The following PARD6G variants were observed in gnomAD, a reference collection of about 807,000 sequenced individuals.
PARD6G encodes the protein par-6 family cell polarity regulator gamma, also known as partitioning defective 6 homolog gamma.
PARD6G carries 7 observed loss-of-function variants against 10.7 expected under a neutral mutation model. The observed-to-expected ratio is 0.66, with a 90% CI of 0.37 to 1.23. PARD6G has a LOEUF of 1.23. PARD6G is among the 50% of genes most tolerant of loss of function. The pLI, the probability that PARD6G is intolerant of heterozygous loss-of-function variation, is 0.02. For missense variants in PARD6G, 548 were observed against 571.8 expected (o/e 0.96, Z 0.42); for synonymous variants, 287 against 269.4 (o/e 1.07, Z -0.64).
At chr18:80,238,162 TA>T (rs1967446300) in intron 1 of PARD6G, among the ~76,000 whole-genome samples, 1 of 152,132 alleles carries the variant, frequency 6.6e-6, no homozygotes, top group Admixed American at 6.5e-5. Flanking sequence ...TATGCAGCCA[TA>T]AAAAATGATG....
rs914328543 is a variant in PARD6G, at chr18:80,231,906, G to A, written c.72+15371C>T. ...GCATGTATGGAGTTATAATAGCACA[G>A]GATAGTAAGCCTGTTTTGGGCTCAC... On this transcript the variant is annotated intron_variant, in intron 1 of 2. Transcript: ENST00000353265. This position sits in a 1 kb window ranked among gnomAD's most constrained non-coding sequence, Gnocchi z 4.2. 6.6e-6 allele frequency among the ~76,000 whole-genome samples: 1 copy of A among 152,122 alleles called. No individual in the cohort carries two copies. Among genetic ancestry groups the A allele is most frequent in the Non-Finnish European group, 1.5e-5 (1 of 68,010 alleles).
At chr18:80,177,761 G>A (rs529210923) in intron 2 of PARD6G, among the ~76,000 whole-genome samples, 10 of 145,992 alleles carry the variant, frequency 6.8e-5, no homozygotes, top group Non-Finnish European at 7.5e-5. Context: ...GGAAGCACAC[G>A]CACCCACGAG....
chr18:80,230,840 T>C lies in PARD6G; in HGVS notation c.72+16437A>G, dbSNP rs571157655. On this transcript the variant is annotated intron_variant, in intron 1 of 2. Transcript: ENST00000353265. ...AGAAGTCAGAGTCTCTGCCAAGCTT[T>C]GTGTGCATGCTCTCTGTAATCCTGA... is the stretch of plus-strand genomic sequence containing the variant. Among the ~76,000 whole-genome samples, 5 of 152,258 alleles carry C rather than the reference T, an allele frequency of 3.3e-5. No homozygotes were observed. The South Asian group carries it at 1.0e-3, about 32-fold the overall frequency.
intron 2 of PARD6G, among the ~76,000 whole-genome samples, chr18:80,176,569 T>C (rs2052808814): frequency 1.1e-4 from 17 of 152,110 alleles, no homozygotes; most frequent in Admixed American, 1.1e-3. Context: ...CAACAGTTAA[T>C]GTTGGCCAGG....
intron 1 of PARD6G, among the ~76,000 whole-genome samples, chr18:80,222,262 T>A (rs1035556775): frequency 2.6e-5 from 4 of 151,964 alleles, no homozygotes; most frequent in East Asian, 1.9e-4. Context: ...TTTTTTTTTT[T>A]AATTTTGTAG....
intron 1 of PARD6G, among the ~76,000 whole-genome samples, chr18:80,218,771 G>A (rs1967197962): frequency 6.6e-6 from 1 of 152,246 alleles, no homozygotes; most frequent in Non-Finnish European, 1.5e-5. Context: ...CTCTGCCCCT[G>A]CAGCAGACTT....
intron 2 of PARD6G, among the ~76,000 whole-genome samples, chr18:80,162,982 A>G (rs1472232365): frequency 6.6e-6 from 1 of 152,166 alleles, no homozygotes; most frequent in East Asian, 1.9e-4. Context: ...ATGATTGCTC[A>G]TTCTAAGTGG....
rs1018894722 is a variant in PARD6G, at chr18:80,180,712, T to A, written c.296-20106A>T. On this transcript the variant is annotated intron_variant, in intron 2 of 2. Coordinates refer to ENST00000353265, the MANE Select transcript of PARD6G (RefSeq NM_032510.4). This position sits in a 1 kb window ranked among gnomAD's most constrained non-coding sequence, Gnocchi z 5.6. Reference sequence around the variant, plus strand: ...AGGCACCACAGGCTCTTGGGTCCCCTCATACAAGCTTTGTCAGGGGGCCGG... The same window carrying A: ...AGGCACCACAGGCTCTTGGGTCCCCACATACAAGCTTTGTCAGGGGGCCGG... Among the ~76,000 whole-genome samples, 1 of 152,074 alleles carries A rather than the reference T, an allele frequency of 6.6e-6. No homozygotes were observed. Among genetic ancestry groups the A allele is most frequent in the African/African-American group, 2.4e-5 (1 of 41,398 alleles).
Position 80,189,298 on chromosome 18 carries a change from AC to A in PARD6G, c.295+13411del, listed in dbSNP as rs1167179205. 1 of 152,242 alleles carries A rather than the reference AC, an allele frequency of 6.6e-6. No individual in the cohort carries two copies. Among genetic ancestry groups the A allele is most frequent in the Non-Finnish European group, 1.5e-5 (1 of 68,038 alleles). The allele number at this position is 152,242 out of a possible 1,614,324, so 9.4% of individuals were successfully genotyped here. A position where few individuals can be genotyped will look rare whatever the true frequency, so the allele number is the denominator to read the frequency against. ...TTTTAAAGGAGATCACAGAAGGCCA[AC>A]AAAGAGGCCTGGGGCACGTCAACGT... is the stretch of plus-strand genomic sequence containing the variant. On this transcript the variant is annotated intron_variant, in intron 2 of 2. Transcript: ENST00000353265. The surrounding 1 kb of genome is among the most constrained non-coding windows in gnomAD (Gnocchi z 5.5).
At chr18:80,163,924 C>T (rs374172173) in intron 2 of PARD6G, among the ~76,000 whole-genome samples, 29 of 152,128 alleles carry the variant, frequency 1.9e-4, no homozygotes, top group Admixed American at 3.9e-4. Flanking sequence ...GCCTCAGGAC[C>T]GGAGAAGCAA....
At chr18:80,164,195 C>T (rs1225411978) in intron 2 of PARD6G, among the ~76,000 whole-genome samples, 2 of 152,228 alleles carry the variant, frequency 1.3e-5, no homozygotes, top group Admixed American at 6.5e-5. Context: ...CAGCCCCTGG[C>T]TCTGGTGCCA....
intron 2 of PARD6G, among the ~76,000 whole-genome samples, chr18:80,196,890 TAAAAAAAAAAAAAAAAA>T (rs572719232): frequency 1.1e-5 from 1 of 88,016 alleles, no homozygotes. Flanking sequence ...TTTCTTTTAT[TAAAAAAAAAAAAAAAAA>T]AAAAAAAAAA....
rs1001134831 is a variant in PARD6G at position 80,160,619 on chromosome 18, G to A, written c.296-13C>T. The A allele has an allele frequency of 3.7e-5, 53 of 1,438,088 alleles. No homozygotes were observed. The African/African-American group carries it at 5.5e-4, about 15-fold the overall frequency. The allele number at this position is 1,438,088 out of a possible 1,614,324, so 89.1% of individuals were successfully genotyped here. A position where few individuals can be genotyped will look rare whatever the true frequency, so the allele number is the denominator to read the frequency against. On this transcript the variant is annotated splice_polypyrimidine_tract_variant and intron_variant, in intron 2 of 2. Coordinates refer to ENST00000353265, the MANE Select transcript of PARD6G (RefSeq NM_032510.4). Reference sequence around the variant, plus strand: ...CGCTCGGCCTCCTCTGCGGGAGAGGGGACAGTTAGAGGGGACACACAACCG... The same window carrying A: ...CGCTCGGCCTCCTCTGCGGGAGAGGAGACAGTTAGAGGGGACACACAACCG...
intron 1 of PARD6G, among the ~76,000 whole-genome samples, chr18:80,209,574 GC>G (rs1171308095): frequency 6.6e-6 from 1 of 152,218 alleles, no homozygotes; most frequent in Non-Finnish European, 1.5e-5. Flanking sequence ...ACTTTGGGAG[GC>G]CAAGGCAGGT....
At chr18:80,226,381 G>A (rs1414051469) in intron 1 of PARD6G, among the ~76,000 whole-genome samples, 1 of 151,982 alleles carries the variant, frequency 6.6e-6, no homozygotes, top group African/African-American at 2.4e-5. Flanking sequence ...ATGTTGGTCA[G>A]GCTGGTCTCG....
chr18:80,241,590 T>A (rs1327301341), intron 1 of PARD6G, among the ~76,000 whole-genome samples: 4 of 152,096 alleles, frequency 2.6e-5, no homozygotes, highest in Non-Finnish European at 5.9e-5. Context: ...ATTAAGTAAA[T>A]GTTATTAATA....
chr18:80,217,290 G>C (rs1015458856), intron 1 of PARD6G, among the ~76,000 whole-genome samples: 1 of 152,140 alleles, frequency 6.6e-6, no homozygotes, highest in Admixed American at 6.5e-5. Context: ...AGAGTAGACA[G>C]GTCTACCATA....
intron 1 of PARD6G, among the ~76,000 whole-genome samples, chr18:80,226,151 G>GTTTTTTTTT (rs10606939): frequency 1.3e-5 from 1 of 76,570 alleles, no homozygotes; most frequent in African/African-American, 5.4e-5. Context: ...AATGACTTCA[G>GTTTTTTTTT]TTTTTTTTTT....
chr18:80,240,184 G>A (rs977706696), intron 1 of PARD6G, among the ~76,000 whole-genome samples: 4 of 152,230 alleles, frequency 2.6e-5, no homozygotes, highest in Non-Finnish European at 2.9e-5. Flanking sequence ...ATTTCAACAT[G>A]AGGTTTTGAT....
Sources: gnomAD v4.1 joint callset for allele counts (sites outside exome capture counted in the v4.1 genomes callset) on GRCh38, gnomAD v4.1.1 for gene constraint, Gnocchi (gnomAD v3.1) non-coding constraint, MANE v1.5 for transcripts, NCBI Gene and HGNC (gene_info 2026-07-23, HGNC 2026-07-21) for gene names.